Variants in ZCCHC24 observed in about 807,000 individuals in gnomAD.
ZCCHC24 encodes zinc finger CCHC-type containing 24.
A neutral mutation model predicts 26.2 loss-of-function variants in ZCCHC24; 10 were observed. The observed-to-expected ratio is 0.38, with a 90% CI of 0.24 to 0.65. ZCCHC24 has a LOEUF of 0.65. ZCCHC24 is among the 30% of genes least tolerant of loss of function. The pLI is 0.54. For synonymous variants in ZCCHC24, 144 were observed against 147.1 expected, an observed-to-expected ratio of 0.98 and a Z score of 0.15; for missense variants, 243 against 329.1, an observed-to-expected ratio of 0.74 and a Z score of 2.03.
At chr10:79,418,630 G>A (rs529006058) in intron 2 of ZCCHC24, among the ~76,000 whole-genome samples, 2 of 152,360 alleles carry the variant, frequency 1.3e-5, no homozygotes, top group South Asian at 4.1e-4. Context: ...AGGTGGAGTG[G>A]GGATGAGAAG....
chr10:79,404,049 G>A (rs1227615436), intron 2 of ZCCHC24, among the ~76,000 whole-genome samples: 1 of 151,972 alleles, frequency 6.6e-6, no homozygotes, highest in African/African-American at 2.4e-5. Flanking sequence ...GAGAAGGGGG[G>A]ACAGGGTGCC....
Position 79,386,451 on chromosome 10 carries a change from AG to A in ZCCHC24, c.619del (p.Leu207TrpfsTer90). The A allele has an allele frequency of 6.3e-7, 1 of 1,597,150 alleles. No individual in the cohort carries two copies. The highest frequency in any genetic ancestry group is 8.6e-7 in the Non-Finnish European group (1 of 1,167,072). On this transcript the variant is annotated frameshift_variant, in exon 4 of 4. Transcript: ENST00000372336. LOFTEE classifies it high-confidence loss of function. ...CACGTCCAGGCCGTCGGGCTTCTCCAGGGGTCTCTGCAGAGAGAAGGAGGAA... is the reference window on the plus strand; with the variant it reads ...CACGTCCAGGCCGTCGGGCTTCTCCAGGGTCTCTGCAGAGAGAAGGAGGAA... ...INVYPHKQRPLEKPDGLDVSD... is the reference protein window; with the variant it reads ...INVYPHKQRPXEKPDGLDVSD...
chr10:79,390,852 G>A (rs79192104), intron 3 of ZCCHC24, among the ~76,000 whole-genome samples: 4,512 of 152,266 alleles, frequency 0.03, 117 homozygotes, highest in Non-Finnish European at 0.047. Context: ...CTCCAGAGAC[G>A]GAGGCCACAC....
intron 1 of ZCCHC24, chr10:79,444,078 G>T (rs746390369): frequency 6.5e-7 from 1 of 1,539,096 alleles, no homozygotes; most frequent in Non-Finnish European, 8.8e-7. Flanking sequence ...ACCCATTCAG[G>T]ACTCTGACTC....
chr10:79,392,635 C>T (rs1370051863), intron 3 of ZCCHC24, among the ~76,000 whole-genome samples: 1 of 152,216 alleles, frequency 6.6e-6, no homozygotes, highest in African/African-American at 2.4e-5. Context: ...GTTGCGGCCA[C>T]TGCTGTGATT....
chr10:79,420,386 G>A (rs1331213795), intron 2 of ZCCHC24, among the ~76,000 whole-genome samples: 2 of 152,150 alleles, frequency 1.3e-5, no homozygotes, highest in African/African-American at 4.8e-5. Flanking sequence ...GGAAGGGAGG[G>A]CTCCAGCCAC....
intron 2 of ZCCHC24, among the ~76,000 whole-genome samples, chr10:79,401,888 C>A (rs546274936): frequency 2.6e-5 from 4 of 152,372 alleles, no homozygotes; most frequent in African/African-American, 9.6e-5. Flanking sequence ...CCGGTCTGCC[C>A]AGTCTGCGTG....
chr10:79,412,762 C>A (rs907505134), intron 2 of ZCCHC24, among the ~76,000 whole-genome samples: 1 of 152,210 alleles, frequency 6.6e-6, no homozygotes, highest in Non-Finnish European at 1.5e-5. Context: ...CCAACTTAGC[C>A]ATTACTGGCG....
In ZCCHC24 at chr10:79,394,456, C is replaced by T; in HGVS notation, c.448-16G>A. 6.2e-7 allele frequency: 1 copy of T among 1,610,932 alleles called. No individual in the cohort carries two copies. The highest frequency in any genetic ancestry group is 8.5e-7 in the Non-Finnish European group (1 of 1,177,934). ...TGGGGCGTGCCTACAGGGCAGGAAG[C>T]AAACACAGGGGATTGGAGTCCAAAG... On this transcript the variant is annotated splice_polypyrimidine_tract_variant and intron_variant, in intron 2 of 3. Transcript: ENST00000372336.
intron 2 of ZCCHC24, among the ~76,000 whole-genome samples, chr10:79,416,329 A>G (rs1564636608): frequency 6.6e-6 from 1 of 152,182 alleles, no homozygotes; most frequent in Admixed American, 6.5e-5. Flanking sequence ...CTCCTCACCT[A>G]TGGCTGGTTA....
intron 1 of ZCCHC24, among the ~76,000 whole-genome samples, chr10:79,436,942 C>T (rs927105157): frequency 2.0e-5 from 3 of 152,232 alleles, no homozygotes; most frequent in Non-Finnish European, 2.9e-5. Flanking sequence ...GACCCTCACA[C>T]CGCATCTGGG....
In ZCCHC24 at chr10:79,399,320, C is replaced by A. The variant is rs569536863; in HGVS notation, c.448-4880G>T. The stretch of plus-strand genomic sequence containing the variant: ...TCTCTACTCACCACACACCCCCCTG[C>A]CTCCTCCCAGAAAGGCACGGCCTCT... On this transcript the variant is annotated intron_variant, in intron 2 of 3. Coordinates refer to ENST00000372336, the MANE Select transcript of ZCCHC24 (RefSeq NM_153367.4). Among the ~76,000 whole-genome samples the A allele has an allele frequency of 1.1e-3, 169 of 152,362 alleles. 1 individual carries two copies. The highest frequency in any genetic ancestry group is 3.9e-3 in the African/African-American group (163 of 41,592).
intron 2 of ZCCHC24, among the ~76,000 whole-genome samples, chr10:79,417,234 C>G (rs1169607775): frequency 3.6e-5 from 3 of 82,402 alleles, no homozygotes; most frequent in African/African-American, 1.0e-4. Context: ...TTGAGCTTCA[C>G]AGTCCCCAGG....
intron 1 of ZCCHC24, chr10:79,444,207 G>C: frequency 6.6e-7 from 1 of 1,509,606 alleles, no homozygotes; most frequent in Non-Finnish European, 8.9e-7. Flanking sequence ...GGAAGTGAAG[G>C]CCACAGATGG....
chr10:79,401,957 C>G (rs2145996), intron 2 of ZCCHC24, among the ~76,000 whole-genome samples: 123,896 of 152,174 alleles, frequency 0.81, 50,627 homozygotes, highest in East Asian at 0.92. Flanking sequence ...TCCCAGAGAG[C>G]AAGAGCCCCG....
At chr10:79,431,577 T>C (rs1349920824) in intron 2 of ZCCHC24, among the ~76,000 whole-genome samples, 2 of 152,214 alleles carry the variant, frequency 1.3e-5, no homozygotes, top group African/African-American at 4.8e-5. Flanking sequence ...ACCTGAAGCA[T>C]GGTGTGGCCG....
At chr10:79,415,156 C>T (rs1419668227) in intron 2 of ZCCHC24, among the ~76,000 whole-genome samples, 2 of 152,202 alleles carry the variant, frequency 1.3e-5, no homozygotes, top group Non-Finnish European at 2.9e-5. Flanking sequence ...CCCCTCCCGT[C>T]CTCCCATTGA....
At chr10:79,406,816 GAGC>G (rs1661182239) in intron 2 of ZCCHC24, among the ~76,000 whole-genome samples, 1 of 152,210 alleles carries the variant, frequency 6.6e-6, no homozygotes, top group African/African-American at 2.4e-5. Flanking sequence ...ACATGGCCTT[GAGC>G]TCTGACCTCC....
intron 2 of ZCCHC24, among the ~76,000 whole-genome samples, chr10:79,417,217 G>T (rs547266877): frequency 5.0e-5 from 4 of 80,336 alleles, no homozygotes; most frequent in African/African-American, 1.4e-4. Context: ...GGGGCACAAG[G>T]CTCTGTTTGA....
Sources: allele counts gnomAD v4.1 joint callset (sites outside exome capture counted in the v4.1 genomes callset), GRCh38; gene constraint gnomAD v4.1.1; transcripts MANE v1.5; gene names NCBI Gene and HGNC (gene_info 2026-07-23, HGNC 2026-07-21).